Variants in UGT1A10 observed in about 807,000 individuals in gnomAD.
UGT1A10 encodes the protein UDP glucuronosyltransferase family 1 member A10.
In UGT1A10, 49 loss-of-function variants were observed where a neutral mutation model predicts 45.8. The observed-to-expected ratio is 1.07, with a 90% confidence interval of 0.85 to 1.36. The LOEUF (loss-of-function observed/expected upper bound fraction) is 1.36. Among genes scored for constraint, UGT1A10 ranks in the 40% most tolerant of loss-of-function variants. The pLI, the probability that UGT1A10 is intolerant of heterozygous loss-of-function variation, is 0.00. For missense variants in UGT1A10, 745 were observed against 668.6 expected (o/e 1.11, Z -1.26); for synonymous variants, 284 against 249.7 (o/e 1.14, Z -1.29).
intron 1 of UGT1A10, among the ~76,000 whole-genome samples, chr2:233,696,580 A>T (rs2125568256): frequency 6.6e-6 from 1 of 151,478 alleles, no homozygotes; most frequent in South Asian, 2.1e-4. Context: ...GAATAATTTG[A>T]CTTCTTCCTT....
chr2:233,740,208 A>G (rs1691334030), intron 1 of UGT1A10, among the ~76,000 whole-genome samples: 1 of 151,862 alleles, frequency 6.6e-6, no homozygotes, highest in Admixed American at 6.5e-5. Flanking sequence ...TAAATTACCC[A>G]GTCTCAGCTG....
At position 233,636,475 on chromosome 2, in the gene UGT1A10, TCA is replaced by T. The variant is rs1181695332; in HGVS notation, c.-47_-46del. 7.6e-6 allele frequency: 12 copies of T among 1,582,394 alleles called. No individual in the cohort carries two copies. Among genetic ancestry groups the T allele is most frequent in the Non-Finnish European group, 7.7e-6 (9 of 1,162,956 alleles). On this transcript the variant is annotated 5_prime_UTR_variant, in exon 1 of 5. Coordinates refer to ENST00000344644, the MANE Select transcript of UGT1A10 (RefSeq NM_019075.4). The stretch of plus-strand genomic sequence containing the variant: ...GCCTGTACTTCTTCCGCCTACTGTA[TCA>T]TAGCAGCTTAGAATCCCAGCTGCTG...
In UGT1A10 at chr2:233,645,154, G is replaced by A. The variant is rs527875610; in HGVS notation, c.855+7777G>A. ...CTTCAGGGACAAAGCATCGATGAAAGCAATCCAGAAAAATTGTTCTTGTTG... is the reference window on the plus strand; with the variant it reads ...CTTCAGGGACAAAGCATCGATGAAAACAATCCAGAAAAATTGTTCTTGTTG... On this transcript the variant is annotated intron_variant, in intron 1 of 4. Coordinates refer to ENST00000344644, the MANE Select transcript of UGT1A10 (RefSeq NM_019075.4). Among the ~76,000 whole-genome samples the A allele has an allele frequency of 3.6e-3, 545 of 152,278 alleles. 1 individual carries two copies. The highest frequency in any genetic ancestry group is 6.8e-3 in the Non-Finnish European group (461 of 68,026).
At chr2:233,668,204 C>T (rs1335305954) in intron 1 of UGT1A10, among the ~76,000 whole-genome samples, 1 of 152,140 alleles carries the variant, frequency 6.6e-6, no homozygotes, top group African/African-American at 2.4e-5. Context: ...ATCCCTCCCC[C>T]ATACCCCCAC....
intron 1 of UGT1A10, among the ~76,000 whole-genome samples, chr2:233,720,190 G>A (rs1402744128): frequency 1.3e-5 from 2 of 152,210 alleles, no homozygotes; most frequent in Non-Finnish European, 2.9e-5. Context: ...TTGAGTGGAA[G>A]TGGGGCTGTG....
At chr2:233,735,331 C>A (rs2078638880) in intron 1 of UGT1A10, among the ~76,000 whole-genome samples, 1 of 152,064 alleles carries the variant, frequency 6.6e-6, no homozygotes, top group Non-Finnish European at 1.5e-5. Context: ...AGGATTGCAA[C>A]CCCTGCTTTT....
At chr2:233,664,506 G>A (rs147636660) in intron 1 of UGT1A10, among the ~76,000 whole-genome samples, 6 of 152,288 alleles carry the variant, frequency 3.9e-5, no homozygotes, top group African/African-American at 1.4e-4. Context: ...GGCTGTACAA[G>A]CATGGCGCTG....
In UGT1A10 at chr2:233,636,872, T is replaced by C. The variant is rs377463132; in HGVS notation, c.350T>C (p.Leu117Pro). 6.3e-5 allele frequency: 102 copies of C among 1,614,012 alleles called. No individual in the cohort carries two copies. The highest frequency in any genetic ancestry group is 8.0e-5 in the Non-Finnish European group (94 of 1,180,026). ...TTAATGAGTTCATCCAGTGGTTTTC[T>C]TGACTTATTTTTTTCGCATTGCAGG... The part of the protein sequence containing the change: ...SLLMSSSSGF[L>P]DLFFSHCRSL... Residue 117 changes from leucine to proline, a missense_variant, in exon 1 of 5, where the codon CTT becomes CCT. Coordinates refer to ENST00000344644, the MANE Select transcript of UGT1A10 (RefSeq NM_019075.4).
In UGT1A10 at chr2:233,743,160, T is replaced by C. The variant is rs191127881; in HGVS notation, c.856-23874T>C. On this transcript the variant is annotated intron_variant, in intron 1 of 4. Coordinates refer to ENST00000344644, the MANE Select transcript of UGT1A10 (RefSeq NM_019075.4). ...AAAAAAAGTCCGCTATTCCTCCAGA[T>C]GTGCTTAAAGTCAAATGTGGACTGG... The C allele has an allele frequency of 3.8e-4, 139 of 361,394 alleles. 1 individual carries two copies. Among genetic ancestry groups the C allele is most frequent in the Middle Eastern group, 7.9e-4 (2 of 2,540 alleles). 22.4% of individuals were successfully genotyped at this position (361,394 alleles called of 1,614,324 possible). A position where few individuals can be genotyped will look rare whatever the true frequency, so the allele number is the denominator to read the frequency against.
chr2:233,768,052 A>T, intron 3 of UGT1A10, 116 bp downstream of exon 3: 1 of 1,605,578 alleles, frequency 6.2e-7, no homozygotes, highest in South Asian at 1.1e-5. Context: ...AACATATCCT[A>T]CATTGCTTTT....
At chr2:233,757,130 G>A (rs368401609) in intron 1 of UGT1A10, among the ~76,000 whole-genome samples, 1 of 151,410 alleles carries the variant, frequency 6.6e-6, no homozygotes, top group African/African-American at 2.4e-5. Context: ...GAGGAGGAAT[G>A]AGCTTGGACA....
At chr2:233,736,661 C>T (rs568296788) in intron 1 of UGT1A10, among the ~76,000 whole-genome samples, 1 of 152,264 alleles carries the variant, frequency 6.6e-6, no homozygotes, top group Admixed American at 6.5e-5. Flanking sequence ...GTTTTATGTA[C>T]CTTAGGTCTT....
intron 1 of UGT1A10, among the ~76,000 whole-genome samples, chr2:233,674,913 A>T (rs1040675466): frequency 6.6e-6 from 1 of 152,228 alleles, no homozygotes; most frequent in Non-Finnish European, 1.5e-5. Context: ...TTCAGATGCC[A>T]GGATGTGTCT....
At chr2:233,640,852 G>T (rs1324227390) in intron 1 of UGT1A10, among the ~76,000 whole-genome samples, 3 of 152,144 alleles carry the variant, frequency 2.0e-5, no homozygotes, top group Non-Finnish European at 4.4e-5. Flanking sequence ...GCTATGTCAG[G>T]GGGGAAATGT....
intron 1 of UGT1A10, among the ~76,000 whole-genome samples, chr2:233,757,279 A>C (rs1159492481): frequency 7.8e-6 from 1 of 127,878 alleles, no homozygotes; most frequent in Non-Finnish European, 1.6e-5. Flanking sequence ...GCAATGATTC[A>C]GAAGGGACAG....
chr2:233,690,769 A>G, intron 1 of UGT1A10: 1 of 1,083,992 alleles, frequency 9.2e-7, no homozygotes, highest in Non-Finnish European at 1.1e-6. Flanking sequence ...ATACACACAC[A>G]CACACATACA....
chr2:233,729,230 C>T, intron 1 of UGT1A10: 2 of 1,614,168 alleles, frequency 1.2e-6, no homozygotes, highest in Non-Finnish European at 1.7e-6. Context: ...TTGGTGGTGC[C>T]CATTGATGGC....
Position 233,768,355 on chromosome 2 carries a change from A to AG in UGT1A10, c.1214dup (p.Ala406SerfsTer13), listed in dbSNP as rs758192306. 7.4e-6 allele frequency: 12 copies of AG among 1,614,082 alleles called. No individual in the cohort carries two copies. Among genetic ancestry groups the AG allele is most frequent in the Non-Finnish European group, 1.0e-5 (12 of 1,180,036 alleles). On this transcript the variant is annotated frameshift_variant, in exon 4 of 5. Transcript: ENST00000344644. LOFTEE classifies it high-confidence loss of function. The stretch of plus-strand genomic sequence containing the variant: ...GACAATGCAAAGCGCATGGAGACTA[A>AG]GGGAGCTGGAGTGACCCTGAATGTT...
At chr2:233,652,289 A>T (rs2073760949) in intron 1 of UGT1A10, among the ~76,000 whole-genome samples, 1 of 152,256 alleles carries the variant, frequency 6.6e-6, no homozygotes, top group African/African-American at 2.4e-5. Context: ...CAAAGTTTTC[A>T]AATGTATAGC....
Sources: allele counts gnomAD v4.1 joint callset (sites outside exome capture counted in the v4.1 genomes callset), GRCh38; gene constraint gnomAD v4.1.1; transcripts MANE v1.5; gene names NCBI Gene and HGNC (gene_info 2026-07-23, HGNC 2026-07-21).